The following SALL1 variants were observed in gnomAD, a reference collection of about 807,000 sequenced individuals.
SALL1 encodes the protein sal-like protein 1.
SALL1 carries 10 observed loss-of-function variants against 73.1 expected under a neutral mutation model. That is an observed-to-expected ratio of 0.14 (90% CI 0.08 to 0.23). SALL1 has a LOEUF of 0.23. Ranked by LOEUF, SALL1 falls within the 10% of genes least tolerant of loss-of-function variation. The pLI is 1.00. For missense variants in SALL1, 1,520 were observed against 1,697.3 expected (o/e 0.90, Z 1.84); for synonymous variants, 688 against 689.8 (o/e 1.00, Z 0.04).
At position 51,141,317 on chromosome 16, in the gene SALL1, C is replaced by T. The variant is rs1962423872; in HGVS notation, c.905G>A (p.Ser302Asn). The T allele has an allele frequency of 1.2e-6, 2 of 1,613,802 alleles. No individual in the cohort carries two copies. The highest frequency in any genetic ancestry group is 1.7e-6 in the Non-Finnish European group (2 of 1,180,040). ...AATGCTGGCAGATTGGCTGGCGAGGCTCTGTGCCAATCCAGCTGCTGCTGC... is the reference window on the plus strand; with the variant it reads ...AATGCTGGCAGATTGGCTGGCGAGGTTCTGTGCCAATCCAGCTGCTGCTGC... ...QLAAAAGLAQ[S>N]LASQSASISG... The change falls in exon 2 of 3, where the codon AGC becomes AAC. Residue 302 changes from serine to asparagine, a missense_variant. By Grantham distance (46) the Ser-to-Asn change is conservative (BLOSUM62 1). Around this residue, in one of 7 missense-constraint regions of SALL1, gnomAD observed 540 missense variants for 567.5 expected, o/e 0.95. Coordinates refer to ENST00000251020, the MANE Select transcript of SALL1 (RefSeq NM_002968.3). The surrounding 1 kb of genome is among the most constrained non-coding windows in gnomAD (Gnocchi z 5.4).
chr16:51,142,119 G>T lies in SALL1; in HGVS notation c.103C>A (p.Arg35Ser). Residue 35 changes from arginine to serine, a missense_variant, in exon 2 of 3, where the codon CGC (arginine) becomes AGC (serine). Physicochemically the swap from Arg to Ser is moderately radical, Grantham distance 110. Coordinates refer to ENST00000251020, the MANE Select transcript of SALL1 (RefSeq NM_002968.3). ...TGGGCATCCTTGCTCTTAGTAGGGC[G>T]ACTCGGTTGACCCTTTTCTGTGTCT... is the stretch of plus-strand genomic sequence containing the variant. ...DGDTEKGQPS[R>S]PTKSKDAHVC... 1 of 1,613,274 alleles carries T rather than the reference G, an allele frequency of 6.2e-7. No homozygotes were observed. Among genetic ancestry groups the T allele is most frequent in the South Asian group, 1.1e-5 (1 of 91,042 alleles).
upstream of SALL1, among the ~76,000 whole-genome samples, chr16:51,151,663 C>A (rs559398731): frequency 6.6e-6 from 1 of 151,436 alleles, no homozygotes; most frequent in Admixed American, 6.5e-5. Flanking sequence ...CGGGGGCCGG[C>A]CTCCTCTCCA....
chr16:51,149,065 T>C (rs900565927), intron 1 of SALL1, among the ~76,000 whole-genome samples: 7 of 152,140 alleles, frequency 4.6e-5, no homozygotes, highest in South Asian at 2.1e-4. Context: ...GGAAACTTGA[T>C]TGAGTTACTT....
Position 51,140,713 on chromosome 16 carries a change from G to A in SALL1, c.1509C>T (p.Tyr503=). The A allele has an allele frequency of 6.2e-7, 1 of 1,614,182 alleles. No homozygotes were observed. The highest frequency in any genetic ancestry group is 8.5e-7 in the Non-Finnish European group (1 of 1,180,038). The part of the protein sequence containing the change: ...KVHFQRHKEK[Y]PHIQMNPYPV... ...GATAGGGGTTCATCTGGATATGAGG[G>A]TATTTCTCTTTGTGGCGCTGAAAGT... The change falls in exon 2 of 3, where the codon TAC becomes TAT. Residue 503 remains tyrosine (Y), a synonymous_variant. Transcript: ENST00000251020. The surrounding 1 kb of genome is among the most constrained non-coding windows in gnomAD (Gnocchi z 5.7).
intron 1 of SALL1, among the ~76,000 whole-genome samples, chr16:51,150,211 C>T (rs1208797286): frequency 1.3e-5 from 2 of 152,202 alleles, no homozygotes; most frequent in South Asian, 2.1e-4. Context: ...CTTGTTCAGC[C>T]CCTTCGGGAC....
rs749947651 is a variant in SALL1, at chr16:51,139,640, G to C, written c.2582C>G (p.Ser861Trp). Residue 861 changes from serine (S) to tryptophan (W), a missense_variant, in exon 2 of 3, where the codon TCG becomes TGG. Coordinates refer to ENST00000251020, the MANE Select transcript of SALL1 (RefSeq NM_002968.3). ...CTGATTTTCCAAAGCAGCGATGCTCGACATCTCGAGGGGCAAAGGCGAAGA... is the reference window on the plus strand; with the variant it reads ...CTGATTTTCCAAAGCAGCGATGCTCCACATCTCGAGGGGCAAAGGCGAAGA... ...LSSSPLPLEM[S>W]SIAALENQMK... The C allele has an allele frequency of 2.5e-6, 4 of 1,613,712 alleles. No individual in the cohort carries two copies. Among genetic ancestry groups the C allele is most frequent in the Non-Finnish European group, 3.4e-6 (4 of 1,179,630 alleles).
chr16:51,139,661 G>A lies in SALL1; in HGVS notation c.2561C>T (p.Ser854Leu), dbSNP rs777889848. Residue 854 changes from serine (S) to leucine (L), a missense_variant, in exon 2 of 3, where the codon TCG (serine) becomes TTG (leucine). Transcript: ENST00000251020. ...ADASQDSLSS[S>L]PLPLEMSSIA... The stretch of plus-strand genomic sequence containing the variant: ...GCTCGACATCTCGAGGGGCAAAGGC[G>A]AAGAGGATAAGCTGTCTTGGGAGGC... The A allele has an allele frequency of 1.1e-5, 18 of 1,614,126 alleles. No individual in the cohort carries two copies. The highest frequency in any genetic ancestry group is 5.0e-5 in the Admixed American group (3 of 60,028).
chr16:51,142,195 G>T, intron 1 of SALL1, 50 bp from the exon 2 acceptor site: 1 of 1,375,554 alleles, frequency 7.3e-7, no homozygotes, highest in Non-Finnish European at 1.0e-6. Context: ...AGGACACACA[G>T]TCACCTATGA....
intron 2 of SALL1, 102 bp from the exon 3 acceptor site, chr16:51,137,654 CA>C: frequency 2.3e-6 from 2 of 865,706 alleles, no homozygotes; most frequent in South Asian, 3.3e-5. Flanking sequence ...ACTCATATCC[CA>C]AATGTCCACA....
At chr16:51,142,785 C>G (rs1379155216) in intron 1 of SALL1, among the ~76,000 whole-genome samples, 1 of 152,180 alleles carries the variant, frequency 6.6e-6, no homozygotes, top group African/African-American at 2.4e-5. Flanking sequence ...CTCACTTGAA[C>G]ACAAAGGGAT....
In SALL1 at chr16:51,150,429, C is replaced by A. The variant is rs959140275; in HGVS notation, c.76+737G>T. 2.2e-5 allele frequency: 22 copies of A among 985,428 alleles called. 1 individual carries two copies. The highest frequency in any genetic ancestry group is 1.2e-4 in the Admixed American group (2 of 16,274). The allele number at this position is 985,428 out of a possible 1,614,324, so 61.0% of individuals were successfully genotyped here. ...GGTGCAAGTGTTGTGGGAAGAGATG[C>A]GGAGATAAATTTTGCGAGCCAGACC... On this transcript the variant is annotated intron_variant, in intron 1 of 2. Transcript: ENST00000251020.
In SALL1 at chr16:51,136,700, T is replaced by G; in HGVS notation, c.*412A>C. 1 of 263,502 alleles carries G rather than the reference T, an allele frequency of 3.8e-6. No individual in the cohort carries two copies. The highest frequency in any genetic ancestry group is 7.4e-6 in the Non-Finnish European group (1 of 134,334). 16.3% of individuals were successfully genotyped at this position (263,502 alleles called of 1,614,324 possible). A position where few individuals can be genotyped will look rare whatever the true frequency, so the allele number is the denominator to read the frequency against. On this transcript the variant is annotated 3_prime_UTR_variant, in exon 3 of 3. Coordinates refer to ENST00000251020, the MANE Select transcript of SALL1 (RefSeq NM_002968.3). ...GTGTACATGTATATACAGACTTTAT[T>G]AGAGATCTAATGCATCACTGAGGCA... is the stretch of plus-strand genomic sequence containing the variant.
intron 1 of SALL1, among the ~76,000 whole-genome samples, chr16:51,147,318 A>G (rs1334649133): frequency 6.6e-6 from 1 of 152,228 alleles, no homozygotes; most frequent in Non-Finnish European, 1.5e-5. Flanking sequence ...TTTACAAAGT[A>G]TGTGTGGCCT....
rs766210751 is a variant in SALL1 at position 51,138,977 on chromosome 16, G to A, written c.3245C>T (p.Ser1082Leu). The part of the protein sequence containing the change: ...NSAVIPANSL[S>L]SLIKTEVNGF... ...GTTGACCTCTGTCTTGATGAGAGAT[G>A]ACAACGAGTTGGCGGGAATCACCGC... Residue 1082 changes from serine to leucine, a missense_variant, in exon 2 of 3, where the codon TCA becomes TTA. Ser to Leu is a moderately radical substitution (Grantham distance 145, BLOSUM62 -2). Transcript: ENST00000251020. The A allele has an allele frequency of 6.2e-7, 1 of 1,614,180 alleles. No homozygotes were observed. Among genetic ancestry groups the A allele is most frequent in the South Asian group, 1.1e-5 (1 of 91,082 alleles).
chr16:51,138,029 C>T (rs147487674), intron 2 of SALL1, among the ~76,000 whole-genome samples: 2 of 152,304 alleles, frequency 1.3e-5, no homozygotes, highest in Non-Finnish European at 2.9e-5. Context: ...AGAGAAAAGC[C>T]AGAAAGTAAT....
In SALL1 at chr16:51,137,158, C is replaced by T. The variant is rs372873373; in HGVS notation, c.3929G>A (p.Arg1310His). The change falls in exon 3 of 3, where the codon CGC (arginine) becomes CAC (histidine). Residue 1310 changes from arginine (R) to histidine (H), a missense_variant. Physicochemically the swap from Arg to His is conservative, Grantham distance 29. Coordinates refer to ENST00000251020, the MANE Select transcript of SALL1 (RefSeq NM_002968.3). The part of the protein sequence containing the change: ...MASSENGTNF[R>H]FTRFVEDSKE... Reference sequence around the variant, plus strand: ...GCTGTCCTCCACGAAGCGGGTGAAGCGGAAGTTGGTTCCGTTCTCACTGCT... The same window carrying T: ...GCTGTCCTCCACGAAGCGGGTGAAGTGGAAGTTGGTTCCGTTCTCACTGCT... The T allele has an allele frequency of 8.7e-6, 14 of 1,613,978 alleles. No homozygotes were observed. The highest frequency in any genetic ancestry group is 1.7e-5 in the Admixed American group (1 of 59,992).
In SALL1 at chr16:51,138,977, GACA is replaced by G. The variant is rs1446298297; in HGVS notation, c.3242_3244del (p.Leu1081del). Reference sequence around the variant, plus strand: ...GTTGACCTCTGTCTTGATGAGAGATGACAACGAGTTGGCGGGAATCACCGCTGA... The same window carrying G: ...GTTGACCTCTGTCTTGATGAGAGATGACGAGTTGGCGGGAATCACCGCTGA... On this transcript the variant is annotated inframe_deletion, in exon 2 of 3. Coordinates refer to ENST00000251020, the MANE Select transcript of SALL1 (RefSeq NM_002968.3). 1.1e-5 allele frequency: 18 copies of G among 1,614,062 alleles called. No individual in the cohort carries two copies. The highest frequency in any genetic ancestry group is 1.5e-5 in the Non-Finnish European group (18 of 1,180,046).
intron 1 of SALL1, chr16:51,143,242 T>C: frequency 3.6e-6 from 1 of 276,756 alleles, no homozygotes; most frequent in Non-Finnish European, 7.6e-6. Context: ...TTTGTTTCCA[T>C]TGGTTGCTCA....
chr16:51,145,570 T>C (rs1180976608), intron 1 of SALL1, among the ~76,000 whole-genome samples: 2 of 152,130 alleles, frequency 1.3e-5, no homozygotes, highest in African/African-American at 2.4e-5. Context: ...AAATTTATAC[T>C]AAAATCCCAG....
Sources: gnomAD v4.1 joint callset for allele counts (sites outside exome capture counted in the v4.1 genomes callset) on GRCh38, gnomAD v4.1.1 for gene constraint, gnomAD v4.1.1 regional missense constraint, Gnocchi (gnomAD v3.1) non-coding constraint, MANE v1.5 for transcripts, NCBI Gene and HGNC (gene_info 2026-07-23, HGNC 2026-07-21) for gene names.